Variants in DYNC1I1 observed in about 807,000 individuals in gnomAD.
The protein encoded by DYNC1I1 is dynein cytoplasmic 1 intermediate chain 1.
A neutral mutation model predicts 86.6 loss-of-function variants in DYNC1I1; 43 were observed. The observed-to-expected ratio is 0.50, with a 90% confidence interval of 0.39 to 0.64. The LOEUF is 0.64. Among genes scored for constraint, DYNC1I1 ranks in the 30% least tolerant of loss-of-function variants. The pLI, the probability that DYNC1I1 is intolerant of heterozygous loss-of-function variation, is 0.00. For synonymous variants in DYNC1I1, 262 were observed against 283.7 expected (o/e 0.92, Z 0.77); for missense variants, 604 against 788.8 (o/e 0.77, Z 2.81).
chr7:96,095,194 G>A (rs1790965605), intron 16 of DYNC1I1, among the ~76,000 whole-genome samples: 1 of 152,098 alleles, frequency 6.6e-6, no homozygotes, highest in Non-Finnish European at 1.5e-5. Flanking sequence ...TGTAATTTTT[G>A]AGATGTGTAA....
intron 6 of DYNC1I1, among the ~76,000 whole-genome samples, chr7:95,959,073 A>G (rs971567548): frequency 1.1e-4 from 16 of 152,196 alleles, no homozygotes; most frequent in Non-Finnish European, 1.9e-4. Context: ...AAGTGAATAA[A>G]GAAGCAAAAT....
chr7:96,025,751 T>A (rs571849482), intron 10 of DYNC1I1, among the ~76,000 whole-genome samples: 1 of 152,130 alleles, frequency 6.6e-6, no homozygotes, highest in South Asian at 2.1e-4. Context: ...TGGGTTCTAG[T>A]TGATTGCCAA....
chr7:96,059,184 G>A (rs897537773), intron 14 of DYNC1I1, among the ~76,000 whole-genome samples: 3 of 152,086 alleles, frequency 2.0e-5, no homozygotes, highest in Non-Finnish European at 4.4e-5. Context: ...TTAGCCAATA[G>A]CTCATGCCTG....
chr7:95,861,465 C>T lies in DYNC1I1; in HGVS notation c.375-8418C>T, dbSNP rs182336855. 4.8e-3 allele frequency among the ~76,000 whole-genome samples: 732 copies of T among 152,270 alleles called. 4 individuals carry two copies. Among genetic ancestry groups the T allele is most frequent in the African/African-American group, 0.017 (698 of 41,546 alleles). On this transcript the variant is annotated intron_variant, in intron 5 of 16. Coordinates refer to ENST00000447467, the MANE Select transcript of DYNC1I1 (RefSeq NM_001135556.2). ...ATATGCACAAAAGGTATAATATTCT[C>T]TGATATGCGCCTTTATTTAGGATTA...
intron 14 of DYNC1I1, among the ~76,000 whole-genome samples, chr7:96,063,658 A>T (rs1789861557): frequency 6.6e-6 from 1 of 152,176 alleles, no homozygotes; most frequent in Admixed American, 6.5e-5. Flanking sequence ...CAGCCCGCCC[A>T]TACAACCTCA....
intron 16 of DYNC1I1, among the ~76,000 whole-genome samples, chr7:96,108,039 T>C (rs1791245493): frequency 6.6e-6 from 1 of 152,154 alleles, no homozygotes. Context: ...TTCTTTTACA[T>C]ATCTTATTGT....
intron 16 of DYNC1I1, among the ~76,000 whole-genome samples, chr7:96,095,872 A>C (rs1467660362): frequency 2.0e-5 from 3 of 152,160 alleles, no homozygotes; most frequent in Non-Finnish European, 4.4e-5. Context: ...AAAGAGTCCA[A>C]AGTAGGGAAA....
chr7:95,805,760 C>T (rs1004726022), intron 2 of DYNC1I1, among the ~76,000 whole-genome samples: 9 of 152,090 alleles, frequency 5.9e-5, no homozygotes, highest in East Asian at 3.9e-4. Context: ...AAGAAAACTT[C>T]GTGTGGTATG....
At chr7:96,022,292 A>G (rs539083251) in intron 10 of DYNC1I1, among the ~76,000 whole-genome samples, 1 of 152,334 alleles carries the variant, frequency 6.6e-6, no homozygotes, top group South Asian at 2.1e-4. Flanking sequence ...TAGGGTCTAA[A>G]TACTGAAAGC....
intron 14 of DYNC1I1, among the ~76,000 whole-genome samples, chr7:96,073,893 A>G (rs1233796607): frequency 2.6e-5 from 4 of 152,226 alleles, no homozygotes; most frequent in Non-Finnish European, 4.4e-5. Context: ...TGATACAATT[A>G]TGCTATTTTC....
chr7:95,815,571 A>G (rs1452932406), intron 4 of DYNC1I1, among the ~76,000 whole-genome samples: 2 of 152,176 alleles, frequency 1.3e-5, no homozygotes, highest in Non-Finnish European at 2.9e-5. Flanking sequence ...AAATTGCAGG[A>G]GAATGTTATA....
At chr7:95,777,950 G>A (rs1452920055) in intron 1 of DYNC1I1, among the ~76,000 whole-genome samples, 2 of 152,054 alleles carry the variant, frequency 1.3e-5, no homozygotes, top group Admixed American at 6.5e-5. Context: ...TAAATTTATA[G>A]AATCACAATT....
At chr7:96,039,492 C>T in intron 14 of DYNC1I1, 71 bp downstream of exon 14, 4 of 1,598,332 alleles carry the variant, frequency 2.5e-6, no homozygotes, top group Non-Finnish European at 3.4e-6. Context: ...TCCCTGGAAA[C>T]AGTTGTCCCT....
intron 16 of DYNC1I1, among the ~76,000 whole-genome samples, chr7:96,090,162 A>G (rs1245682081): frequency 1.3e-5 from 2 of 152,192 alleles, no homozygotes; most frequent in Admixed American, 6.5e-5. Context: ...AAGAAGGATG[A>G]TAAGATTTTA....
In DYNC1I1 at chr7:95,919,923, A is replaced by G. The variant is rs2116372836; in HGVS notation, c.490+49925A>G. On this transcript the variant is annotated intron_variant, in intron 6 of 16. Transcript: ENST00000447467. ...CAGGAGTCCATAATAAAGTAAACGT[A>G]AATGATGTAATAAATAAATATAAAG... 2.0e-5 allele frequency among the ~76,000 whole-genome samples: 3 copies of G among 152,356 alleles called. No individual in the cohort carries two copies. The Middle Eastern group carries it at 0.01, about 518-fold the overall frequency.
intron 5 of DYNC1I1, among the ~76,000 whole-genome samples, chr7:95,856,807 C>T (rs1789735868): frequency 1.3e-5 from 2 of 152,012 alleles, no homozygotes; most frequent in Admixed American, 1.3e-4. Flanking sequence ...GGTGAAACCC[C>T]ATCTCTACTA....
At position 95,959,898 on chromosome 7, in the gene DYNC1I1, C is replaced by T. The variant is rs575809327; in HGVS notation, c.491-17614C>T. Among the ~76,000 whole-genome samples the T allele has an allele frequency of 2.0e-5, 3 of 152,134 alleles. No homozygotes were observed. The East Asian group carries it at 5.8e-4, about 29-fold the overall frequency. On this transcript the variant is annotated intron_variant, in intron 6 of 16. Coordinates refer to ENST00000447467, the MANE Select transcript of DYNC1I1 (RefSeq NM_001135556.2). ...TCCCCGAGCCCAGGAAGTCCAACTGCAAAGTTGATATTCCTAACCATTTTA... is the reference window on the plus strand; with the variant it reads ...TCCCCGAGCCCAGGAAGTCCAACTGTAAAGTTGATATTCCTAACCATTTTA...
intron 1 of DYNC1I1, among the ~76,000 whole-genome samples, chr7:95,786,640 C>A (rs1379473451): frequency 1.3e-5 from 2 of 152,170 alleles, no homozygotes; most frequent in Non-Finnish European, 2.9e-5. Context: ...GGCTTCCTGA[C>A]TCTTAGCAAA....
chr7:95,930,532 G>T (rs991097283), intron 6 of DYNC1I1, among the ~76,000 whole-genome samples: 1 of 152,162 alleles, frequency 6.6e-6, no homozygotes, highest in Non-Finnish European at 1.5e-5. Flanking sequence ...GTGGAGGGAG[G>T]TCTGGTTGCT....
Sources: allele counts gnomAD v4.1 joint callset (sites outside exome capture counted in the v4.1 genomes callset), GRCh38; gene constraint gnomAD v4.1.1; transcripts MANE v1.5; gene names NCBI Gene and HGNC (gene_info 2026-07-23, HGNC 2026-07-21).